The following SPOCK1 variants were observed in gnomAD, a reference collection of about 807,000 sequenced individuals.
The protein encoded by SPOCK1 is SPARC (osteonectin), cwcv and kazal like domains proteoglycan 1.
Under a neutral mutation model 55.3 loss-of-function variants are expected in SPOCK1, and 23 were observed. The observed-to-expected ratio is 0.42, with a 90% CI of 0.30 to 0.59. The LOEUF is 0.59. Among genes scored for constraint, SPOCK1 ranks in the 20% least tolerant of loss-of-function variants. SPOCK1 has a pLI of 0.22. For missense variants in SPOCK1, 499 were observed against 552.5 expected (o/e 0.90, Z 0.97); for synonymous variants, 226 against 221.0 (o/e 1.02, Z -0.20).
chr5:137,496,901 C>G (rs768229756), intron 2 of SPOCK1, among the ~76,000 whole-genome samples: 18 of 152,094 alleles, frequency 1.2e-4, no homozygotes, highest in Admixed American at 3.9e-4. Flanking sequence ...CGATAAAAGG[C>G]CCCAAATAGC....
chr5:137,228,975 C>T (rs538159851), intron 3 of SPOCK1, among the ~76,000 whole-genome samples: 6 of 152,256 alleles, frequency 3.9e-5, no homozygotes, highest in Non-Finnish European at 7.4e-5. Flanking sequence ...AGTAACCAGC[C>T]GAGCTCACGC....
intron 2 of SPOCK1, among the ~76,000 whole-genome samples, chr5:137,302,806 G>A (rs1757626827): frequency 2.0e-5 from 3 of 152,024 alleles, no homozygotes; most frequent in South Asian, 4.2e-4. Flanking sequence ...ACTCAAAATA[G>A]TACATCTTTT....
chr5:137,287,583 A>G (rs1226330877), intron 2 of SPOCK1, among the ~76,000 whole-genome samples: 4 of 152,196 alleles, frequency 2.6e-5, no homozygotes, highest in Admixed American at 2.0e-4. Flanking sequence ...TCCATTTTTA[A>G]TCTCCAACTT....
chr5:137,264,572 C>T (rs2127114879), intron 3 of SPOCK1, among the ~76,000 whole-genome samples: 1 of 152,246 alleles, frequency 6.6e-6, no homozygotes, highest in East Asian at 1.9e-4. Flanking sequence ...CAACAAGTTC[C>T]ATTTCTACAA....
chr5:136,996,999 C>T (rs1009744749), intron 6 of SPOCK1, among the ~76,000 whole-genome samples: 1 of 152,188 alleles, frequency 6.6e-6, no homozygotes, highest in Non-Finnish European at 1.5e-5. Context: ...CAAAGGTCCA[C>T]GGCTTCATTC....
intron 2 of SPOCK1, among the ~76,000 whole-genome samples, chr5:137,363,743 T>G (rs898919827): frequency 6.6e-6 from 1 of 152,220 alleles, no homozygotes; most frequent in African/African-American, 2.4e-5. Flanking sequence ...GGAGACTTTT[T>G]GAAATAACTT....
chr5:137,290,980 C>T (rs538809125), intron 2 of SPOCK1, among the ~76,000 whole-genome samples: 1 of 152,316 alleles, frequency 6.6e-6, no homozygotes, highest in African/African-American at 2.4e-5. Context: ...ATCCTCATTA[C>T]TCTCTCTTTT....
intron 6 of SPOCK1, among the ~76,000 whole-genome samples, chr5:137,062,525 A>AAATAACAATAAT (rs146318882): frequency 2.1e-5 from 3 of 143,464 alleles, no homozygotes; most frequent in African/African-American, 7.7e-5. Flanking sequence ...CAAGCATTAT[A>AAATAACAATAAT]AATAATAATA....
intron 5 of SPOCK1, among the ~76,000 whole-genome samples, chr5:137,081,779 G>A (rs928037715): frequency 6.6e-6 from 1 of 152,214 alleles, no homozygotes; most frequent in Non-Finnish European, 1.5e-5. Flanking sequence ...AGATGCTGTA[G>A]TGCTGAACGA....
At chr5:137,135,599 G>A (rs1192316692) in intron 4 of SPOCK1, among the ~76,000 whole-genome samples, 4 of 152,164 alleles carry the variant, frequency 2.6e-5, no homozygotes, top group Admixed American at 6.5e-5. Flanking sequence ...CTCCCAAAGG[G>A]TCTACTTTAT....
chr5:137,367,270 G>A (rs1294751697), intron 2 of SPOCK1, among the ~76,000 whole-genome samples: 2 of 152,138 alleles, frequency 1.3e-5, no homozygotes, highest in Admixed American at 6.5e-5. Flanking sequence ...TTGACAAGAA[G>A]AGCCCTGGTC....
intron 2 of SPOCK1, among the ~76,000 whole-genome samples, chr5:137,338,934 C>A (rs1304376648): frequency 3.3e-5 from 5 of 152,202 alleles, no homozygotes; most frequent in African/African-American, 1.2e-4. Context: ...ATCAAAGGGA[C>A]TGTCAATGCC....
intron 2 of SPOCK1, among the ~76,000 whole-genome samples, chr5:137,337,563 G>T (rs73296878): frequency 0.072 from 10,965 of 152,180 alleles, 876 homozygotes; most frequent in African/African-American, 0.19. Context: ...TCTGACTAAA[G>T]ACACCTAATA....
intron 4 of SPOCK1, among the ~76,000 whole-genome samples, chr5:137,121,022 G>T (rs948775694): frequency 5.3e-5 from 8 of 152,148 alleles, no homozygotes; most frequent in Non-Finnish European, 8.8e-5. Flanking sequence ...TTGAGGGCCT[G>T]TTTAAGCTAA....
chr5:137,091,241 C>T (rs989192187), intron 5 of SPOCK1, among the ~76,000 whole-genome samples: 1 of 152,210 alleles, frequency 6.6e-6, no homozygotes, highest in Non-Finnish European at 1.5e-5. Context: ...TCCCACCCTT[C>T]CACCAACATT....
At chr5:137,071,685 A>G (rs1752617939) in intron 5 of SPOCK1, among the ~76,000 whole-genome samples, 1 of 152,222 alleles carries the variant, frequency 6.6e-6, no homozygotes, top group African/African-American at 2.4e-5. Flanking sequence ...GTGCGGGTAG[A>G]GCCCTCCAGG....
intron 3 of SPOCK1, among the ~76,000 whole-genome samples, chr5:137,239,167 T>C (rs1049177742): frequency 6.6e-6 from 1 of 152,180 alleles, no homozygotes; most frequent in Admixed American, 6.5e-5. Flanking sequence ...CCAATGACCA[T>C]TAATTTGGTC....
intron 5 of SPOCK1, among the ~76,000 whole-genome samples, chr5:137,077,379 G>A (rs985903069): frequency 6.6e-6 from 1 of 152,326 alleles, no homozygotes; most frequent in East Asian, 1.9e-4. Context: ...GCCAGAGCTC[G>A]GGAAAGGGAG....
At chr5:137,420,440 G>A (rs1752461540) in intron 2 of SPOCK1, among the ~76,000 whole-genome samples, 2 of 152,098 alleles carry the variant, frequency 1.3e-5, no homozygotes, top group African/African-American at 2.4e-5. Context: ...CTTTTTTTTG[G>A]TTGGTAAGCT....
Sources: allele counts gnomAD v4.1 joint callset (sites outside exome capture counted in the v4.1 genomes callset), GRCh38; gene constraint gnomAD v4.1.1; transcripts MANE v1.5; gene names NCBI Gene and HGNC (gene_info 2026-07-23, HGNC 2026-07-21).